CTNNA3: variants seen among roughly 807,000 people sequenced by gnomAD.
CTNNA3 encodes catenin alpha 3, also known as catenin alpha-3.
A neutral mutation model predicts 95.7 loss-of-function variants in CTNNA3; 76 were observed. That is an observed-to-expected ratio of 0.79 (90% CI 0.66 to 0.96). CTNNA3 has a LOEUF of 0.96. Among genes scored for constraint, CTNNA3 ranks in the 40% least tolerant of loss-of-function variants. CTNNA3 has a pLI of 0.00. For missense variants in CTNNA3, 1,191 were observed against 1,089.8 expected (o/e 1.09, Z -1.31); for synonymous variants, 431 against 374.4 (o/e 1.15, Z -1.74).
intron 12 of CTNNA3, among the ~76,000 whole-genome samples, chr10:66,347,492 C>T (rs756417704): frequency 1.8e-4 from 28 of 151,624 alleles, no homozygotes; most frequent in Non-Finnish European, 3.2e-4. Context: ...GCCACATCTG[C>T]GGTTCCAGCT....
intron 7 of CTNNA3, chr10:67,099,429 CATCA>C (rs1285696160): frequency 6.6e-6 from 1 of 151,512 alleles, no homozygotes; most frequent in Non-Finnish European, 1.5e-5. Flanking sequence ...ATTGACAATA[CATCA>C]ATCTAACAGG....
chr10:66,501,876 A>T (rs1381412016), intron 11 of CTNNA3, among the ~76,000 whole-genome samples: 1 of 152,160 alleles, frequency 6.6e-6, no homozygotes, highest in Admixed American at 6.6e-5. Context: ...CTAAAAAAGA[A>T]AAATAGTAAA....
At chr10:66,978,552 A>AAATAAAAAAAAATATATATATATAT in intron 7 of CTNNA3, among the ~76,000 whole-genome samples, 4 of 37,866 alleles carry the variant, frequency 1.1e-4, no homozygotes, top group Non-Finnish European at 1.9e-4. Context: ...AAAAAAAAAA[A>AAATAAAAAAAAATATATATATATAT]ATATATATAT....
intron 11 of CTNNA3, among the ~76,000 whole-genome samples, chr10:66,427,002 C>G (rs913865423): frequency 6.6e-6 from 1 of 151,506 alleles, no homozygotes; most frequent in Non-Finnish European, 1.5e-5. Context: ...TTTAAATTTA[C>G]TTTGTCTATT....
At chr10:66,468,076 T>C (rs1014474034) in intron 11 of CTNNA3, among the ~76,000 whole-genome samples, 1 of 152,006 alleles carries the variant, frequency 6.6e-6, no homozygotes, top group African/African-American at 2.4e-5. Context: ...TATACTATAA[T>C]AGAGAAAATA....
At chr10:66,132,539 C>T (rs1305158557) in intron 13 of CTNNA3, among the ~76,000 whole-genome samples, 2 of 152,162 alleles carry the variant, frequency 1.3e-5, no homozygotes, top group Non-Finnish European at 2.9e-5. Flanking sequence ...CCAGCAATCC[C>T]ATTACTGGAT....
At chr10:67,194,413 CAT>C in intron 6 of CTNNA3, among the ~76,000 whole-genome samples, 1 of 151,998 alleles carries the variant, frequency 6.6e-6, no homozygotes, top group African/African-American at 2.4e-5. Flanking sequence ...CACAAAAAGA[CAT>C]AGAGGAAACT....
chr10:67,438,352 C>T (rs773561954), intron 5 of CTNNA3, among the ~76,000 whole-genome samples: 13 of 152,166 alleles, frequency 8.5e-5, no homozygotes, highest in Non-Finnish European at 1.6e-4. Context: ...ATCTGACACA[C>T]AGCAGGCTCT....
intron 17 of CTNNA3, 22 bp from the exon 18 acceptor site, chr10:65,920,639 A>T: frequency 6.3e-7 from 1 of 1,599,030 alleles, no homozygotes; most frequent in Non-Finnish European, 8.5e-7. Context: ...AAAGAGAAAA[A>T]AGAGCTATTA....
rs1408122165 is a variant in CTNNA3, at chr10:66,199,801, A to T, written c.1884+80669T>A. On this transcript the variant is annotated intron_variant, in intron 13 of 17. Transcript: ENST00000433211. ...TATATATATATATATATATATATAT[A>T]TATATTTTTTTTTTTTTTTTTTTTT... is the stretch of plus-strand genomic sequence containing the variant. 3.6e-3 allele frequency among the ~76,000 whole-genome samples: 47 copies of T among 13,176 alleles called. 3 individuals carry two copies. Among genetic ancestry groups the T allele is most frequent in the South Asian group, 0.011 (2 of 184 alleles). 8.6% of individuals were successfully genotyped at this position (13,176 alleles called of 152,430 possible). A position where few individuals can be genotyped will look rare whatever the true frequency, so the allele number is the denominator to read the frequency against.
intron 11 of CTNNA3, among the ~76,000 whole-genome samples, chr10:66,483,189 CTTA>C (rs945105285): frequency 2.6e-5 from 4 of 152,140 alleles, no homozygotes; most frequent in African/African-American, 9.7e-5. Context: ...GTCTTCCCTA[CTTA>C]TTATTGTATA....
intron 5 of CTNNA3, among the ~76,000 whole-genome samples, chr10:67,410,502 CT>C (rs2030716448): frequency 6.6e-6 from 1 of 151,780 alleles, no homozygotes; most frequent in African/African-American, 2.4e-5. Flanking sequence ...ACATGTACCC[CT>C]GAACTTAAAA....
chr10:66,515,345 C>G (rs7091178), intron 11 of CTNNA3, among the ~76,000 whole-genome samples: 18 of 148,984 alleles, frequency 1.2e-4, no homozygotes, highest in African/African-American at 3.9e-4. Flanking sequence ...CTCTCTCTCT[C>G]TATATATATA....
At chr10:65,977,256 T>A (rs996069688) in intron 16 of CTNNA3, among the ~76,000 whole-genome samples, 8 of 152,182 alleles carry the variant, frequency 5.3e-5, no homozygotes, top group African/African-American at 1.9e-4. Context: ...CAGATGGCAT[T>A]TCAGCCTATG....
chr10:66,230,397 GC>G (rs2089527715), intron 13 of CTNNA3, among the ~76,000 whole-genome samples: 1 of 151,936 alleles, frequency 6.6e-6, no homozygotes, highest in Non-Finnish European at 1.5e-5. Flanking sequence ...TGGATAGAGT[GC>G]TTTGGTTAAG....
rs545433835 is a variant in CTNNA3 at position 67,516,376 on chromosome 10, C to G, written c.579+5466G>C. 7.9e-5 allele frequency among the ~76,000 whole-genome samples: 12 copies of G among 152,222 alleles called. No homozygotes were observed. In the South Asian group the frequency reaches 2.5e-3, roughly 32 times the overall value. On this transcript the variant is annotated intron_variant, in intron 5 of 17. Transcript: ENST00000433211. ...GAAGGATATTATCGGAACTCATCAA[C>G]TTTTTCTTCTCTATATGCTATAGTA...
At chr10:65,941,494 C>T (rs1226263294) in intron 17 of CTNNA3, among the ~76,000 whole-genome samples, 1 of 152,144 alleles carries the variant, frequency 6.6e-6, no homozygotes, top group Admixed American at 6.6e-5. Flanking sequence ...CACGTGATTC[C>T]CATGCAGAAA....
chr10:66,274,314 C>T (rs1204938171), intron 13 of CTNNA3, among the ~76,000 whole-genome samples: 1 of 151,952 alleles, frequency 6.6e-6, no homozygotes. Context: ...TTTTTTCAAC[C>T]ATTTAAAAAC....
intron 10 of CTNNA3, among the ~76,000 whole-genome samples, chr10:66,561,829 T>C (rs1346240759): frequency 6.6e-6 from 1 of 152,088 alleles, no homozygotes; most frequent in Non-Finnish European, 1.5e-5. Flanking sequence ...ATTTTTTTGT[T>C]GTTTGCATGA....
Sources: allele counts gnomAD v4.1 joint callset (sites outside exome capture counted in the v4.1 genomes callset), GRCh38; gene constraint gnomAD v4.1.1; transcripts MANE v1.5; gene names NCBI Gene and HGNC (gene_info 2026-07-23, HGNC 2026-07-21).